The following IQCF1 variants were observed in gnomAD, a reference collection of about 807,000 sequenced individuals.
IQCF1 encodes the protein IQ domain-containing protein F1.
IQCF1 carries 9 observed loss-of-function variants against 12.5 expected under a neutral mutation model. The observed-to-expected ratio is 0.72, with a 90% confidence interval of 0.43 to 1.26. IQCF1 has a LOEUF of 1.26. Among genes scored for constraint, IQCF1 ranks in the 50% most tolerant of loss-of-function variants. The pLI is 0.00. For synonymous variants in IQCF1, 67 were observed against 96.2 expected (o/e 0.70, Z 1.78); for missense variants, 252 against 257.4 (o/e 0.98, Z 0.14).
In IQCF1 at chr3:51,895,326, T is replaced by C. The variant is rs769579728; in HGVS notation, c.182A>G (p.Asn61Ser). ...ANEKSEKPPE[N>S]QKKLSDKDTV... ...ATCTTTGTCAGAGAGCTTCTTTTGGTTTTCTGGGGGCTTTCAAGAAAAAAA... is the reference window on the plus strand; with the variant it reads ...ATCTTTGTCAGAGAGCTTCTTTTGGCTTTCTGGGGGCTTTCAAGAAAAAAA... The change falls in exon 4 of 4, where the codon AAC becomes AGC. Residue 61 changes from asparagine to serine, a missense_variant. By Grantham distance (46) the Asn-to-Ser change is conservative (BLOSUM62 1). Transcript: ENST00000310914. This position sits in a 1 kb window ranked among gnomAD's most constrained non-coding sequence, Gnocchi z 4.8. The C allele has an allele frequency of 5.2e-6, 8 of 1,545,870 alleles. No homozygotes were observed. The highest frequency in any genetic ancestry group is 6.9e-6 in the Non-Finnish European group (8 of 1,153,312).
Position 51,903,255 on chromosome 3 carries a change from C to T in IQCF1, c.3+15G>A, listed in dbSNP as rs1699100719. 1 of 1,613,930 alleles carries T rather than the reference C, an allele frequency of 6.2e-7. No individual in the cohort carries two copies. Among genetic ancestry groups the T allele is most frequent in the Non-Finnish European group, 8.5e-7 (1 of 1,179,888 alleles). ...GACATCCCTAACAAGCCTGGTGTGT[C>T]TGGCTTTCTCTTACCATTGGTCACA... On this transcript the variant is annotated intron_variant, in intron 1 of 3. Coordinates refer to ENST00000310914, the MANE Select transcript of IQCF1 (RefSeq NM_152397.3).
At position 51,895,076 on chromosome 3, in the gene IQCF1, A is replaced by G. The variant is rs1698984022; in HGVS notation, c.432T>C (p.Tyr144=). 3.7e-6 allele frequency: 6 copies of G among 1,614,106 alleles called. No individual in the cohort carries two copies. Among genetic ancestry groups the G allele is most frequent in the East Asian group, 2.2e-5 (1 of 44,884 alleles). Residue 144 remains tyrosine (Y), a synonymous_variant, in exon 4 of 4, where the codon TAT becomes TAC. Transcript: ENST00000310914. This position sits in a 1 kb window ranked among gnomAD's most constrained non-coding sequence, Gnocchi z 4.8. ...TGCGAACAGCATTGAGCACCTGGCA[A>G]TAGCGTCTGCGGATGCGCCACATGC... ...QARMWRIRRR[Y]CQVLNAVRII...
At chr3:51,903,134 C>A in intron 1 of IQCF1, 45 bp from the exon 2 acceptor site, 2 of 1,600,560 alleles carry the variant, frequency 1.2e-6, no homozygotes, top group South Asian at 1.1e-5. Flanking sequence ...GCTGCGGTCC[C>A]TCCCTCTCCA....
At chr3:51,897,734 G>T (rs781249235) in intron 2 of IQCF1, among the ~76,000 whole-genome samples, 8 of 152,250 alleles carry the variant, frequency 5.3e-5, no homozygotes, top group Non-Finnish European at 8.8e-5. Context: ...CTAAATGTGT[G>T]TGCGTGAATG....
At chr3:51,898,830 T>C (rs1699043798) in intron 2 of IQCF1, among the ~76,000 whole-genome samples, 1 of 152,024 alleles carries the variant, frequency 6.6e-6, no homozygotes, top group African/African-American at 2.4e-5. Context: ...TCCTCCCGGG[T>C]GATTGAGGGA....
Position 51,894,964 on chromosome 3 carries a change from G to A in IQCF1, c.544C>T (p.Leu182Phe), listed in dbSNP as rs1210238170. 3 of 1,614,204 alleles carry A rather than the reference G, an allele frequency of 1.9e-6. No individual in the cohort carries two copies. The highest frequency in any genetic ancestry group is 2.2e-5 in the South Asian group (2 of 91,074). Residue 182 changes from leucine to phenylalanine, a missense_variant, in exon 4 of 4, where the codon CTC becomes TTC. Coordinates refer to ENST00000310914, the MANE Select transcript of IQCF1 (RefSeq NM_152397.3). The part of the protein sequence containing the change: ...QYRVTANQLH[L>F]QLEILLDSGP... Reference sequence around the variant, plus strand: ...GAGTCCAGCAAGATCTCCAGCTGGAGATGCAGCTGGTTGGCTGTGACTCTG... The same window carrying A: ...GAGTCCAGCAAGATCTCCAGCTGGAAATGCAGCTGGTTGGCTGTGACTCTG...
chr3:51,896,615 C>T (rs1269770646), intron 3 of IQCF1, among the ~76,000 whole-genome samples: 1 of 151,934 alleles, frequency 6.6e-6, no homozygotes, highest in Non-Finnish European at 1.5e-5. Context: ...ACATCTCTTC[C>T]CTATCATCAT....
At chr3:51,898,212 C>CA in intron 2 of IQCF1, among the ~76,000 whole-genome samples, 1 of 150,978 alleles carries the variant, frequency 6.6e-6, no homozygotes, top group East Asian at 2.0e-4. Flanking sequence ...GAGAGAAACA[C>CA]AGTCAAAGAG....
chr3:51,900,219 CGAGACTGCTGTTG>C lies in IQCF1; in HGVS notation c.108+2753_108+2765del, dbSNP rs1403815422. 5.3e-5 allele frequency among the ~76,000 whole-genome samples: 8 copies of C among 152,286 alleles called. No individual in the cohort carries two copies. In the East Asian group the frequency reaches 1.5e-3, roughly 29 times the overall value. ...GACTCTACCCTGTGCTGCTAACCAC[CGAGACTGCTGTTG>C]TACAGCGGAAAGGGGATGGACTCAC... On this transcript the variant is annotated intron_variant, in intron 2 of 3. Coordinates refer to ENST00000310914, the MANE Select transcript of IQCF1 (RefSeq NM_152397.3). This position sits in a 1 kb window ranked among gnomAD's most constrained non-coding sequence, Gnocchi z 4.2.
chr3:51,895,307 G>A lies in IQCF1; in HGVS notation c.201C>T (p.Asp67=), dbSNP rs1346569889. The change falls in exon 4 of 4, where the codon GAC becomes GAT. Residue 67 remains aspartate, a synonymous_variant. Coordinates refer to ENST00000310914, the MANE Select transcript of IQCF1 (RefSeq NM_152397.3). The surrounding 1 kb of genome is among the most constrained non-coding windows in gnomAD (Gnocchi z 4.8). The stretch of plus-strand genomic sequence containing the variant: ...GGATCTTGGTGGCTACCGTATCTTT[G>A]TCAGAGAGCTTCTTTTGGTTTTCTG... The part of the protein sequence containing the change: ...KPPENQKKLS[D]KDTVATKIQA... The A allele has an allele frequency of 6.2e-7, 1 of 1,610,364 alleles. No individual in the cohort carries two copies. The highest frequency in any genetic ancestry group is 8.5e-7 in the Non-Finnish European group (1 of 1,178,560).
At chr3:51,896,709 A>ACG (rs1407824082) in intron 3 of IQCF1, 123 bp downstream of exon 3, 666 of 639,124 alleles carry the variant, frequency 1.0e-3, no homozygotes, top group African/African-American at 2.1e-3. Context: ...ACACACACAC[A>ACG]CACGCACACA....
chr3:51,895,153 C>G lies in IQCF1; in HGVS notation c.355G>C (p.Glu119Gln). Reference sequence around the variant, plus strand: ...GCCCACTCCTTCCGGGAGAAGGCCTCTAGCGCTGCCTGCCGCCTCTTCTTC... The same window carrying G: ...GCCCACTCCTTCCGGGAGAAGGCCTGTAGCGCTGCCTGCCGCCTCTTCTTC... ...ILKKRRQAAL[E>Q]AFSRKEWAAV... Residue 119 changes from glutamate to glutamine, a missense_variant, in exon 4 of 4, where the codon GAG becomes CAG. Physicochemically the swap from Glu to Gln is conservative, Grantham distance 29 (BLOSUM62 2). Coordinates refer to ENST00000310914, the MANE Select transcript of IQCF1 (RefSeq NM_152397.3). The surrounding 1 kb of genome is among the most constrained non-coding windows in gnomAD (Gnocchi z 4.8). 6.2e-7 allele frequency: 1 copy of G among 1,614,250 alleles called. No individual in the cohort carries two copies. The highest frequency in any genetic ancestry group is 8.5e-7 in the Non-Finnish European group (1 of 1,180,054).
chr3:51,896,946 C>T, intron 2 of IQCF1, 52 bp from the exon 3 acceptor site: 2 of 1,385,572 alleles, frequency 1.4e-6, no homozygotes, highest in East Asian at 2.3e-5. Context: ...GTTTATTTCT[C>T]TTCTTAGCCC....
chr3:51,896,924 C>A (rs1180656606), intron 2 of IQCF1, 30 bp from the exon 3 acceptor site: 5 of 1,557,390 alleles, frequency 3.2e-6, no homozygotes, highest in Admixed American at 1.7e-5. Context: ...AGAGAACAGA[C>A]AAGATTGAGT....
chr3:51,894,919 C>G lies in IQCF1; in HGVS notation c.589G>C (p.Glu197Gln), dbSNP rs143899718. The G allele has an allele frequency of 1.2e-5, 20 of 1,614,022 alleles. No individual in the cohort carries two copies. The highest frequency in any genetic ancestry group is 1.7e-5 in the Non-Finnish European group (20 of 1,180,038). ...TCCTTTATTGAGAAGGGAATACACT[C>G]TGTCACAATGCAAGGCCCTGAGTCC... ...LLDSGPCIVT[E>Q]CIPFSIKE is the part of the protein sequence containing the mutation. Residue 197 changes from glutamate (E) to glutamine (Q), a missense_variant, in exon 4 of 4, where the codon GAG (glutamate) becomes CAG (glutamine). Coordinates refer to ENST00000310914, the MANE Select transcript of IQCF1 (RefSeq NM_152397.3).
chr3:51,903,229 G>A, intron 1 of IQCF1, 41 bp downstream of exon 1: 1 of 1,611,848 alleles, frequency 6.2e-7, no homozygotes, highest in Non-Finnish European at 8.5e-7. Context: ...AGATCTATGG[G>A]GACATCCCTA....
chr3:51,901,058 CT>C (rs1699070251), intron 2 of IQCF1, among the ~76,000 whole-genome samples: 1 of 152,194 alleles, frequency 6.6e-6, no homozygotes, highest in Non-Finnish European at 1.5e-5. Flanking sequence ...TTAAAACAAA[CT>C]TTGGCAATTA....
chr3:51,896,811 G>A (rs756796714), intron 3 of IQCF1, 21 bp downstream of exon 3: 24 of 1,575,782 alleles, frequency 1.5e-5, no homozygotes, highest in African/African-American at 2.7e-5. Flanking sequence ...CCCCAGCCCT[G>A]TGTGGTTTGG....
intron 2 of IQCF1, among the ~76,000 whole-genome samples, chr3:51,899,831 CTT>C (rs944013973): frequency 9.9e-5 from 15 of 152,180 alleles, no homozygotes; most frequent in Admixed American, 8.5e-4. Flanking sequence ...TAATAACACA[CTT>C]AATATAAAGG....
Sources: allele counts gnomAD v4.1 joint callset (sites outside exome capture counted in the v4.1 genomes callset), GRCh38; gene constraint gnomAD v4.1.1; non-coding constraint Gnocchi (gnomAD v3.1); transcripts MANE v1.5; gene names NCBI Gene and HGNC (gene_info 2026-07-23, HGNC 2026-07-21).